ARHGAP10: variants seen among roughly 807,000 people sequenced by gnomAD.
The protein encoded by ARHGAP10 is Rho GTPase activating protein 10.
In ARHGAP10, 87 loss-of-function variants were observed where a neutral mutation model predicts 108.6. That is an observed-to-expected ratio of 0.80 (90% confidence interval 0.67 to 0.96). ARHGAP10 has a LOEUF of 0.96. Among genes scored for constraint, ARHGAP10 ranks in the 40% least tolerant of loss-of-function variants. ARHGAP10 has a pLI of 0.00. For missense variants in ARHGAP10, 939 were observed against 954.5 expected (o/e 0.98, Z 0.21); for synonymous variants, 347 against 341.1 (o/e 1.02, Z -0.19).
rs754830371 is a variant in ARHGAP10, at chr4:147,881,889, T to C, written c.991T>C (p.Ser331Pro). Reference protein sequence around the residue: ...LKECTKRHTDSIDRRFCFDIE... With the variant: ...LKECTKRHTDPIDRRFCFDIE... Reference sequence around the variant, plus strand: ...AGAATGTACCAAGAGGCATACTGACTCCATTGACAGAAGGTTTTGTTTTGA... The same window carrying C: ...AGAATGTACCAAGAGGCATACTGACCCCATTGACAGAAGGTTTTGTTTTGA... Residue 331 changes from serine (S) to proline (P), a missense_variant, in exon 10 of 23, where the codon TCC (serine) becomes CCC (proline). Transcript: ENST00000336498. 1 of 1,614,094 alleles carries C rather than the reference T, an allele frequency of 6.2e-7. No homozygotes were observed. The highest frequency in any genetic ancestry group is 1.1e-5 in the South Asian group (1 of 91,068).
chr4:148,028,496 C>T (rs1369783128), intron 19 of ARHGAP10, among the ~76,000 whole-genome samples: 2 of 152,264 alleles, frequency 1.3e-5, no homozygotes, highest in East Asian at 1.9e-4. Context: ...TGAGAAGGTT[C>T]AGTTGTTAAT....
At chr4:147,864,746 C>A in intron 5 of ARHGAP10, 100 bp from the exon 6 acceptor site, 1 of 910,746 alleles carries the variant, frequency 1.1e-6, no homozygotes, top group Non-Finnish European at 1.7e-6. Context: ...TCAGGCAGCA[C>A]ACCGTATTTT....
At chr4:147,977,930 C>T (rs1739661265) in intron 18 of ARHGAP10, among the ~76,000 whole-genome samples, 1 of 152,054 alleles carries the variant, frequency 6.6e-6, no homozygotes, top group Admixed American at 6.6e-5. Flanking sequence ...TCTGTTTCTC[C>T]ATTAGTTCAC....
At chr4:147,982,965 C>T (rs919215609) in intron 18 of ARHGAP10, among the ~76,000 whole-genome samples, 1 of 151,908 alleles carries the variant, frequency 6.6e-6, no homozygotes, top group African/African-American at 2.4e-5. Context: ...ATTGCAGCCT[C>T]GACTTTCTGG....
At chr4:147,845,973 G>C (rs1191752519) in intron 3 of ARHGAP10, among the ~76,000 whole-genome samples, 1 of 152,168 alleles carries the variant, frequency 6.6e-6, no homozygotes, top group Non-Finnish European at 1.5e-5. Flanking sequence ...AGGATAAAAT[G>C]ATATTTTGAA....
chr4:147,948,319 A>C (rs1012901283), intron 15 of ARHGAP10, among the ~76,000 whole-genome samples: 1 of 150,918 alleles, frequency 6.6e-6, no homozygotes, highest in African/African-American at 2.4e-5. Flanking sequence ...TTAAAAAGTC[A>C]GTCAAAATAT....
chr4:147,854,954 C>A, intron 4 of ARHGAP10: 1 of 816,804 alleles, frequency 1.2e-6, no homozygotes, highest in Non-Finnish European at 1.5e-6. Context: ...TTTTCATAGC[C>A]TTCTATTGCT....
chr4:147,832,191 A>C (rs2126798565), intron 3 of ARHGAP10, among the ~76,000 whole-genome samples: 1 of 152,224 alleles, frequency 6.6e-6, no homozygotes, highest in African/African-American at 2.4e-5. Context: ...GAATGTGTGC[A>C]GCTGAGTCTG....
At chr4:147,854,085 G>A (rs1324433253) in intron 4 of ARHGAP10, among the ~76,000 whole-genome samples, 2 of 152,010 alleles carry the variant, frequency 1.3e-5, no homozygotes, top group Non-Finnish European at 2.9e-5. Context: ...TTTATATAAC[G>A]TATGTCTTTT....
Position 147,879,267 on chromosome 4 carries a change from T to C in ARHGAP10, c.868T>C (p.Tyr290His). 1.2e-6 allele frequency: 2 copies of C among 1,614,152 alleles called. No individual in the cohort carries two copies. Among genetic ancestry groups the C allele is most frequent in the Non-Finnish European group, 1.7e-6 (2 of 1,179,982 alleles). ...GTTTGGTTCCAGTTGGGTCAAACAC[T>C]ATTGCATGTATCGAAAAGCAGCAAA... ...APFGSSWVKH[Y>H]CMYRKAAKKF... is the part of the protein sequence containing the mutation. Residue 290 changes from tyrosine (Y) to histidine (H), a missense_variant, in exon 9 of 23, where the codon TAT (tyrosine) becomes CAT (histidine). Transcript: ENST00000336498.
At chr4:147,986,626 C>T (rs1250559113) in intron 18 of ARHGAP10, among the ~76,000 whole-genome samples, 1 of 152,190 alleles carries the variant, frequency 6.6e-6, no homozygotes, top group Non-Finnish European at 1.5e-5. Context: ...GATCTTCAGA[C>T]AGTGTCAGGC....
intron 13 of ARHGAP10, among the ~76,000 whole-genome samples, chr4:147,914,977 C>T (rs1270301915): frequency 2.6e-5 from 4 of 151,976 alleles, no homozygotes; most frequent in South Asian, 2.1e-4. Flanking sequence ...CTTTGTTTAG[C>T]GATCTAGTGA....
chr4:147,810,646 TGTGGA>T (rs1254403394), intron 1 of ARHGAP10, among the ~76,000 whole-genome samples: 1 of 152,162 alleles, frequency 6.6e-6, no homozygotes, highest in Non-Finnish European at 1.5e-5. Context: ...TAAACCTATT[TGTGGA>T]GAACCTAAAT....
At chr4:147,814,072 A>G (rs1179852618) in intron 1 of ARHGAP10, among the ~76,000 whole-genome samples, 2 of 152,058 alleles carry the variant, frequency 1.3e-5, no homozygotes, top group East Asian at 3.9e-4. Flanking sequence ...CTCCGTTCCT[A>G]TGCAACACGG....
At chr4:147,732,981 C>T (rs1728282639) in intron 1 of ARHGAP10, among the ~76,000 whole-genome samples, 1 of 152,202 alleles carries the variant, frequency 6.6e-6, no homozygotes, top group African/African-American at 2.4e-5. Context: ...TCTTCCCCGA[C>T]AGTCCTGTTC....
At chr4:147,858,689 A>T (rs1173997700) in intron 5 of ARHGAP10, among the ~76,000 whole-genome samples, 1 of 152,030 alleles carries the variant, frequency 6.6e-6, no homozygotes, top group Non-Finnish European at 1.5e-5. Flanking sequence ...GTGCTCCCTC[A>T]TCTCCTGCCC....
chr4:147,945,958 C>T (rs190995195), intron 14 of ARHGAP10, among the ~76,000 whole-genome samples: 1 of 152,298 alleles, frequency 6.6e-6, no homozygotes, highest in East Asian at 1.9e-4. Context: ...GGTCTGGCTC[C>T]TCCTTTGCAT....
At chr4:147,970,207 C>T (rs556130948) in intron 18 of ARHGAP10, among the ~76,000 whole-genome samples, 10 of 152,180 alleles carry the variant, frequency 6.6e-5, no homozygotes, top group African/African-American at 2.2e-4. Flanking sequence ...TGCAGGAAAA[C>T]TTCATATGGA....
In ARHGAP10 at chr4:147,968,941, G is replaced by T. The variant is rs1054239627; in HGVS notation, c.1716+2102G>T. Among the ~76,000 whole-genome samples, 2 of 152,212 alleles carry T rather than the reference G, an allele frequency of 1.3e-5. 1 individual carries two copies. Among genetic ancestry groups the T allele is most frequent in the Non-Finnish European group, 2.9e-5 (2 of 68,034 alleles). ...ACTCGGATCCTATAAACGTACCCCAGTCTAATATGTTACATAACTTATTTT... is the reference window on the plus strand; with the variant it reads ...ACTCGGATCCTATAAACGTACCCCATTCTAATATGTTACATAACTTATTTT... On this transcript the variant is annotated intron_variant, in intron 18 of 22. Transcript: ENST00000336498.
Sources: allele counts gnomAD v4.1 joint callset (sites outside exome capture counted in the v4.1 genomes callset), GRCh38; gene constraint gnomAD v4.1.1; transcripts MANE v1.5; gene names NCBI Gene and HGNC (gene_info 2026-07-23, HGNC 2026-07-21).